The following MVB12B variants were observed in gnomAD, a reference collection of about 807,000 sequenced individuals.
MVB12B encodes the protein multivesicular body subunit 12B.
MVB12B carries 16 observed loss-of-function variants against 41.6 expected under a neutral mutation model. That is an observed-to-expected ratio of 0.38 (90% CI 0.26 to 0.58). The LOEUF (loss-of-function observed/expected upper bound fraction) is 0.58. Among genes scored for constraint, MVB12B ranks in the 20% least tolerant of loss-of-function variants. MVB12B has a pLI of 0.62. For missense variants in MVB12B, 274 were observed against 380.2 expected, an observed-to-expected ratio of 0.72 and a Z score of 2.32; for synonymous variants, 133 against 139.7, an observed-to-expected ratio of 0.95 and a Z score of 0.34.
At chr9:126,420,976 C>T (rs1831997001) in intron 6 of MVB12B, among the ~76,000 whole-genome samples, 2 of 152,124 alleles carry the variant, frequency 1.3e-5, no homozygotes, top group South Asian at 4.2e-4. Context: ...CGGAAATGTC[C>T]GGGTGTGGCC....
rs749792149 is a variant in MVB12B, at chr9:126,367,631, G to A, written c.205-13433G>A. ...AGCACTTGGCGCTCCCTTACAGCAC[G>A]GAGGTGATTCTGTCTTACACTTCTG... On this transcript the variant is annotated intron_variant, in intron 2 of 9. Transcript: ENST00000361171. The surrounding 1 kb of genome is among the most constrained non-coding windows in gnomAD (Gnocchi z 4.3). 6.6e-6 allele frequency among the ~76,000 whole-genome samples: 1 copy of A among 152,188 alleles called. No individual in the cohort carries two copies. Among genetic ancestry groups the A allele is most frequent in the Non-Finnish European group, 1.5e-5 (1 of 68,042 alleles).
At chr9:126,410,168 TGTGTGC>T (rs951904451) in intron 6 of MVB12B, among the ~76,000 whole-genome samples, 14 of 151,502 alleles carry the variant, frequency 9.2e-5, no homozygotes, top group South Asian at 6.3e-4. Context: ...TGTGTGTGTG[TGTGTGC>T]ACGCATGCAC....
intron 2 of MVB12B, among the ~76,000 whole-genome samples, chr9:126,349,639 A>G (rs1829693801): frequency 6.6e-6 from 1 of 152,220 alleles, no homozygotes; most frequent in Non-Finnish European, 1.5e-5. Context: ...AAAACTCAGC[A>G]TAATTCTCCT....
At chr9:126,394,072 G>C (rs1377621028) in intron 5 of MVB12B, among the ~76,000 whole-genome samples, 1 of 152,234 alleles carries the variant, frequency 6.6e-6, no homozygotes, top group African/African-American at 2.4e-5. Context: ...TCTGTGTCAA[G>C]ATCATGTGGT....
intron 2 of MVB12B, among the ~76,000 whole-genome samples, chr9:126,380,132 G>A (rs1364044526): frequency 6.6e-6 from 1 of 152,222 alleles, no homozygotes; most frequent in Non-Finnish European, 1.5e-5. Flanking sequence ...AGGAAGGTGT[G>A]CAAGGTTGAT....
chr9:126,453,923 A>G (rs1445849352), intron 7 of MVB12B, among the ~76,000 whole-genome samples: 1 of 152,216 alleles, frequency 6.6e-6, no homozygotes, highest in African/African-American at 2.4e-5. Context: ...CCAGGCCCCA[A>G]CAGGGCAAAA....
At chr9:126,345,969 G>A (rs1829575224) in intron 2 of MVB12B, among the ~76,000 whole-genome samples, 1 of 152,206 alleles carries the variant, frequency 6.6e-6, no homozygotes, top group Non-Finnish European at 1.5e-5. Flanking sequence ...CCAAGGCACT[G>A]GAAATCCAGT....
chr9:126,452,379 C>T (rs1048990358), intron 7 of MVB12B, among the ~76,000 whole-genome samples: 1 of 152,192 alleles, frequency 6.6e-6, no homozygotes, highest in Non-Finnish European at 1.5e-5. Context: ...CTCCTCAGCT[C>T]GGACCAGCAC....
intron 7 of MVB12B, among the ~76,000 whole-genome samples, chr9:126,456,876 G>A (rs200723610): frequency 3.9e-5 from 3 of 77,562 alleles, no homozygotes; most frequent in East Asian, 4.9e-4. Flanking sequence ...AAAAGAAAAA[G>A]TAAGCGTCTT....
At chr9:126,396,833 C>T (rs1206746581) in intron 6 of MVB12B, 1 of 985,352 alleles carries the variant, frequency 1.0e-6, no homozygotes, top group African/African-American at 1.7e-5. Flanking sequence ...AGATAGGAAT[C>T]TCTAATAAGC....
intron 7 of MVB12B, among the ~76,000 whole-genome samples, chr9:126,444,513 A>G (rs777553057): frequency 7.2e-5 from 11 of 152,124 alleles, no homozygotes; most frequent in Non-Finnish European, 1.3e-4. Context: ...TGTCCGCAGC[A>G]TCTCTTCCAT....
At chr9:126,346,743 G>T (rs1314364092) in intron 2 of MVB12B, among the ~76,000 whole-genome samples, 1 of 152,210 alleles carries the variant, frequency 6.6e-6, no homozygotes, top group Non-Finnish European at 1.5e-5. Context: ...CTCAAAAGGG[G>T]ACTAAGCCTG....
chr9:126,359,742 T>G (rs1452438101), intron 2 of MVB12B, among the ~76,000 whole-genome samples: 1 of 152,210 alleles, frequency 6.6e-6, no homozygotes, highest in African/African-American at 2.4e-5. Context: ...GTACTCTCTT[T>G]TATTCCCAAT....
chr9:126,455,272 C>T (rs1832958791), intron 7 of MVB12B, among the ~76,000 whole-genome samples: 1 of 151,992 alleles, frequency 6.6e-6, no homozygotes, highest in Non-Finnish European at 1.5e-5. Context: ...CCTGCCACCT[C>T]CGCCTCCCGG....
At chr9:126,489,385 T>C (rs1229883212) in intron 9 of MVB12B, among the ~76,000 whole-genome samples, 3 of 152,202 alleles carry the variant, frequency 2.0e-5, no homozygotes, top group Admixed American at 2.0e-4. Context: ...TGGCAGCTGG[T>C]GGAGCGTGGT....
chr9:126,366,896 C>T lies in MVB12B; in HGVS notation c.205-14168C>T, dbSNP rs550196536. ...GCTGGACAAGCCCACAAATCGTGAC[C>T]GGCTGACACCTCAACCTGAATATTC... On this transcript the variant is annotated intron_variant, in intron 2 of 9. Coordinates refer to ENST00000361171, the MANE Select transcript of MVB12B (RefSeq NM_033446.3). Among the ~76,000 whole-genome samples the T allele has an allele frequency of 8.5e-5, 13 of 152,318 alleles. No individual in the cohort carries two copies. The East Asian group carries it at 9.7e-4, about 11-fold the overall frequency.
chr9:126,370,008 C>G (rs1251750423), intron 2 of MVB12B, among the ~76,000 whole-genome samples: 1 of 152,056 alleles, frequency 6.6e-6, no homozygotes, highest in African/African-American at 2.4e-5. Context: ...GCTGATACAG[C>G]TCTAGTTCAT....
chr9:126,376,414 T>G lies in MVB12B; in HGVS notation c.205-4650T>G. 1.1e-6 allele frequency: 1 copy of G among 949,778 alleles called. No homozygotes were observed. The highest frequency in any genetic ancestry group is 1.5e-6 in the Non-Finnish European group (1 of 680,416). The allele number at this position is 949,778 out of a possible 1,614,324, so 58.8% of individuals were successfully genotyped here. A position where few individuals can be genotyped will look rare whatever the true frequency, so the allele number is the denominator to read the frequency against. On this transcript the variant is annotated intron_variant, in intron 2 of 9. Transcript: ENST00000361171. This position sits in a 1 kb window ranked among gnomAD's most constrained non-coding sequence, Gnocchi z 4.1. ...CATGTCTGAGCCTGTCCCCAGTGCC[T>G]GGTGACCCTTTGTTGTGGGTTGGGA...
chr9:126,401,371 G>A (rs897178354), intron 6 of MVB12B, among the ~76,000 whole-genome samples: 1 of 152,210 alleles, frequency 6.6e-6, no homozygotes, highest in South Asian at 2.1e-4. Flanking sequence ...CACAGGTTCG[G>A]AAGTATGTTT....
Sources: gnomAD v4.1 joint callset for allele counts (sites outside exome capture counted in the v4.1 genomes callset) on GRCh38, gnomAD v4.1.1 for gene constraint, Gnocchi (gnomAD v3.1) non-coding constraint, MANE v1.5 for transcripts, NCBI Gene and HGNC (gene_info 2026-07-23, HGNC 2026-07-21) for gene names.